IGF2BP3: variants seen among roughly 807,000 people sequenced by gnomAD.
IGF2BP3 encodes the protein insulin like growth factor 2 mRNA binding protein 3, also known as insulin-like growth factor 2 mRNA-binding protein 3.
IGF2BP3 carries 9 observed loss-of-function variants against 73.8 expected under a neutral mutation model. The ratio of observed to expected loss-of-function variants is 0.12; its 90% CI spans 0.07 to 0.21. The LOEUF is 0.21. Among genes scored for constraint, IGF2BP3 ranks in the 10% least tolerant of loss-of-function variants. The pLI is 1.00. For missense variants in IGF2BP3, 542 were observed against 714.0 expected (o/e 0.76, Z 2.75); for synonymous variants, 258 against 256.7 (o/e 1.01, Z -0.05).
At chr7:23,400,049 A>T (rs997309951) in intron 3 of IGF2BP3, among the ~76,000 whole-genome samples, 1 of 152,210 alleles carries the variant, frequency 6.6e-6, no homozygotes, top group Non-Finnish European at 1.5e-5. Flanking sequence ...TGGTATAAAA[A>T]GTTTGCATCC....
At chr7:23,388,280 C>A (rs1434522913) in intron 3 of IGF2BP3, among the ~76,000 whole-genome samples, 1 of 152,146 alleles carries the variant, frequency 6.6e-6, no homozygotes, top group Non-Finnish European at 1.5e-5. Flanking sequence ...AGTTATTCCA[C>A]CCCTGTGTAT....
intron 10 of IGF2BP3, among the ~76,000 whole-genome samples, chr7:23,335,457 G>GTTT (rs574414368): frequency 1.4e-5 from 2 of 143,524 alleles, no homozygotes; most frequent in Non-Finnish European, 1.5e-5. Flanking sequence ...ATCTAAAAAA[G>GTTT]TTTTTTTTTT....
intron 5 of IGF2BP3, among the ~76,000 whole-genome samples, chr7:23,358,963 G>C (rs1487101209): frequency 6.6e-6 from 1 of 152,168 alleles, no homozygotes; most frequent in Non-Finnish European, 1.5e-5. Context: ...TCAGTATTTA[G>C]TATTTAATAA....
chr7:23,310,494 G>C lies in IGF2BP3; in HGVS notation c.*1868C>G, dbSNP rs1562660280. 6.6e-6 allele frequency: 1 copy of C among 151,910 alleles called. No individual in the cohort carries two copies. The highest frequency in any genetic ancestry group is 1.5e-5 in the Non-Finnish European group (1 of 67,984). The allele number at this position is 151,910 out of a possible 1,614,324, so 9.4% of individuals were successfully genotyped here. Reference sequence around the variant, plus strand: ...TATTTTTAAAAAATCAAATATTGGGGAAAAAAATCAAATACTGAGAAAAGC... The same window carrying C: ...TATTTTTAAAAAATCAAATATTGGGCAAAAAAATCAAATACTGAGAAAAGC... On this transcript the variant is annotated 3_prime_UTR_variant, in exon 15 of 15. Coordinates refer to ENST00000258729, the MANE Select transcript of IGF2BP3 (RefSeq NM_006547.3).
intron 2 of IGF2BP3, among the ~76,000 whole-genome samples, chr7:23,432,995 T>A (rs146964308): frequency 1.3e-5 from 2 of 152,352 alleles, no homozygotes; most frequent in African/African-American, 4.8e-5. Flanking sequence ...CACACGCAGT[T>A]GAACAGTTAC....
intron 3 of IGF2BP3, among the ~76,000 whole-genome samples, chr7:23,406,397 C>A (rs974121569): frequency 6.6e-6 from 1 of 152,140 alleles, no homozygotes. Context: ...GTCTCGCTGA[C>A]TTCAAGAATG....
In IGF2BP3 at chr7:23,369,465, C is replaced by T. The variant is rs1785481811; in HGVS notation, c.286-7724G>A. On this transcript the variant is annotated intron_variant, in intron 3 of 14. Coordinates refer to ENST00000258729, the MANE Select transcript of IGF2BP3 (RefSeq NM_006547.3). ...AGATTTGAACCTGACTGTCTCCTTG[C>T]TTGACAGTCTTACCACGAACTTTTC... 2.0e-5 allele frequency among the ~76,000 whole-genome samples: 3 copies of T among 152,176 alleles called. No homozygotes were observed. The South Asian group carries it at 6.2e-4, about 32-fold the overall frequency.
chr7:23,330,734 A>C (rs2128497237), intron 10 of IGF2BP3, among the ~76,000 whole-genome samples: 2 of 151,524 alleles, frequency 1.3e-5, no homozygotes, highest in East Asian at 3.9e-4. Flanking sequence ...GTAGTTCTTT[A>C]TAGCGGTGTG....
intron 2 of IGF2BP3, among the ~76,000 whole-genome samples, chr7:23,429,991 G>A (rs551968818): frequency 6.6e-6 from 1 of 152,150 alleles, no homozygotes; most frequent in African/African-American, 2.4e-5. Flanking sequence ...CTGCTTCCCT[G>A]CTTTATAAGA....
intron 3 of IGF2BP3, among the ~76,000 whole-genome samples, chr7:23,376,112 A>C (rs1430216758): frequency 1.3e-5 from 2 of 152,238 alleles, no homozygotes; most frequent in African/African-American, 4.8e-5. Flanking sequence ...GGGAAAACAC[A>C]GCAGCTCCAC....
chr7:23,444,887 G>C (rs1489046842), intron 2 of IGF2BP3, among the ~76,000 whole-genome samples: 6 of 152,040 alleles, frequency 3.9e-5, no homozygotes, highest in Non-Finnish European at 8.8e-5. Context: ...GAGCAACATA[G>C]AGTTCCCATC....
At chr7:23,420,514 AG>A (rs1787315639) in intron 2 of IGF2BP3, among the ~76,000 whole-genome samples, 1 of 152,142 alleles carries the variant, frequency 6.6e-6, no homozygotes, top group East Asian at 1.9e-4. Flanking sequence ...AATAAAAAAC[AG>A]AAAAAAAACA....
chr7:23,412,531 G>A (rs756005740), intron 3 of IGF2BP3, among the ~76,000 whole-genome samples: 3 of 152,184 alleles, frequency 2.0e-5, no homozygotes, highest in African/African-American at 7.2e-5. Flanking sequence ...CATGAGTGAT[G>A]TGGGGGCCCC....
chr7:23,362,112 A>C (rs926355868), intron 3 of IGF2BP3, among the ~76,000 whole-genome samples: 3 of 152,218 alleles, frequency 2.0e-5, no homozygotes, highest in Non-Finnish European at 4.4e-5. Flanking sequence ...CAAGGAACCA[A>C]GTTACAAACT....
intron 3 of IGF2BP3, among the ~76,000 whole-genome samples, chr7:23,372,740 T>C (rs560100725): frequency 6.6e-6 from 1 of 152,304 alleles, no homozygotes; most frequent in Non-Finnish European, 1.5e-5. Context: ...TTCTCTTCTC[T>C]CCAACCACAC....
intron 3 of IGF2BP3, among the ~76,000 whole-genome samples, chr7:23,376,909 T>C (rs75282064): frequency 1.3e-5 from 2 of 152,332 alleles, no homozygotes; most frequent in African/African-American, 2.4e-5. Flanking sequence ...ATCTTTGACC[T>C]GCTAATTTTA....
At chr7:23,314,053 C>T (rs570764835) in intron 12 of IGF2BP3, among the ~76,000 whole-genome samples, 40 of 152,308 alleles carry the variant, frequency 2.6e-4, no homozygotes, top group African/African-American at 9.6e-4. Context: ...TCAGGGTCCT[C>T]CTGTTGTCCA....
At chr7:23,355,286 A>G (rs1036271382) in intron 5 of IGF2BP3, among the ~76,000 whole-genome samples, 3 of 150,904 alleles carry the variant, frequency 2.0e-5, no homozygotes, top group African/African-American at 7.3e-5. Context: ...CAATGACGCG[A>G]TCTCGGCTCA....
At chr7:23,355,513 G>C (rs111528453) in intron 5 of IGF2BP3, among the ~76,000 whole-genome samples, 83 of 152,170 alleles carry the variant, frequency 5.5e-4, no homozygotes, top group African/African-American at 2.0e-3. Context: ...TTACAAGTGT[G>C]AGCCACAGCG....
Sources: allele counts gnomAD v4.1 joint callset (sites outside exome capture counted in the v4.1 genomes callset), GRCh38; gene constraint gnomAD v4.1.1; transcripts MANE v1.5; gene names NCBI Gene and HGNC (gene_info 2026-07-23, HGNC 2026-07-21).